ARB2A: variants seen among roughly 807,000 people sequenced by gnomAD.
ARB2A encodes cotranscriptional regulator ARB2A.
the ARB2A span, among the ~76,000 whole-genome samples, chr5:93,680,273 A>T: frequency 1.3e-5 from 2 of 152,244 alleles, no homozygotes; most frequent in African/African-American, 4.8e-5. Flanking sequence ...GTGGTCTCTT[A>T]TAAGAATATA....
At chr5:94,074,173 T>A in the ARB2A span, among the ~76,000 whole-genome samples, 1 of 152,270 alleles carries the variant, frequency 6.6e-6, no homozygotes, top group Middle Eastern at 3.4e-3. Flanking sequence ...ATTTATTTTT[T>A]AATTCTAGGA....
At chr5:93,739,305 A>G in the ARB2A span, 1 of 152,176 alleles carries the variant, frequency 6.6e-6, no homozygotes, top group Non-Finnish European at 1.5e-5. Context: ...AAGAACAATG[A>G]AAGAAACCAG....
the ARB2A span, among the ~76,000 whole-genome samples, chr5:94,085,453 C>T: frequency 6.6e-6 from 1 of 152,184 alleles, no homozygotes; most frequent in Non-Finnish European, 1.5e-5. Context: ...AGATGGCTCA[C>T]TCACATAAAT....
At chr5:93,890,553 A>G in the ARB2A span, among the ~76,000 whole-genome samples, 1 of 152,012 alleles carries the variant, frequency 6.6e-6, no homozygotes, top group Non-Finnish European at 1.5e-5. Context: ...TAAAGTAGAA[A>G]AAAAGCTGTA....
At chr5:93,971,569 A>AATATAAATAAAT in the ARB2A span, among the ~76,000 whole-genome samples, 1 of 139,356 alleles carries the variant, frequency 7.2e-6, no homozygotes, top group African/African-American at 2.7e-5. Context: ...CTCCGTCTCA[A>AATATAAATAAAT]AAATAAATAA....
chr5:93,917,551 G>GA, the ARB2A span, among the ~76,000 whole-genome samples: 1 of 151,384 alleles, frequency 6.6e-6, no homozygotes, highest in African/African-American at 2.4e-5. Flanking sequence ...TTACTGCAAA[G>GA]AAAAAAAAAT....
chr5:93,938,127 T>A, the ARB2A span, among the ~76,000 whole-genome samples: 1 of 152,170 alleles, frequency 6.6e-6, no homozygotes, highest in African/African-American at 2.4e-5. Flanking sequence ...TACAACAGAA[T>A]AACACCATTC....
chr5:93,928,530 T>C, the ARB2A span, among the ~76,000 whole-genome samples: 1 of 152,174 alleles, frequency 6.6e-6, no homozygotes, highest in Non-Finnish European at 1.5e-5. Context: ...ACAACTGATA[T>C]AAACACAAGT....
the ARB2A span, among the ~76,000 whole-genome samples, chr5:93,685,379 G>A: frequency 1.9e-4 from 29 of 152,076 alleles, no homozygotes; most frequent in Non-Finnish European, 3.7e-4. Context: ...AGAAAGGAAG[G>A]ATAAAAGACT....
At chr5:93,735,128 T>C in the ARB2A span, 1 of 152,238 alleles carries the variant, frequency 6.6e-6, no homozygotes, top group Admixed American at 6.5e-5. Flanking sequence ...CTTAACAATA[T>C]AGTCTTGGTT....
the ARB2A span, among the ~76,000 whole-genome samples, chr5:93,883,918 TAC>T: frequency 1.5e-5 from 1 of 68,324 alleles, no homozygotes; most frequent in Non-Finnish European, 3.1e-5. Context: ...CACATACACA[TAC>T]ACATACACAC....
chr5:93,984,713 C>T, the ARB2A span, among the ~76,000 whole-genome samples: 1 of 152,118 alleles, frequency 6.6e-6, no homozygotes, highest in African/African-American at 2.4e-5. Context: ...GTGTACTGAA[C>T]TATAAGCACC....
At chr5:93,910,885 A>C in the ARB2A span, 1 of 151,596 alleles carries the variant, frequency 6.6e-6, no homozygotes. Context: ...CTTCAGAATC[A>C]TATGTATTCA....
At chr5:93,861,109 T>C in the ARB2A span, 1 of 152,160 alleles carries the variant, frequency 6.6e-6, no homozygotes, top group Admixed American at 6.5e-5. Context: ...AAAACCAACA[T>C]ATTCTTTTAA....
At chr5:94,026,877 A>G in the ARB2A span, among the ~76,000 whole-genome samples, 4 of 152,190 alleles carry the variant, frequency 2.6e-5, no homozygotes, top group Admixed American at 6.5e-5. Context: ...TCAGACTCTG[A>G]AAATGCAGGT....
At chr5:93,967,950 C>T in the ARB2A span, among the ~76,000 whole-genome samples, 2 of 151,996 alleles carry the variant, frequency 1.3e-5, no homozygotes, top group Non-Finnish European at 2.9e-5. Context: ...CTCTAAGAGT[C>T]AGGCCCTTTT....
At chr5:93,629,801 TATG>T in the ARB2A span, among the ~76,000 whole-genome samples, 1 of 152,224 alleles carries the variant, frequency 6.6e-6, no homozygotes, top group Non-Finnish European at 1.5e-5. Flanking sequence ...ATAATATGTC[TATG>T]ATATTTCCAA....
chr5:93,796,296 G>T, the ARB2A span, among the ~76,000 whole-genome samples: 1 of 152,078 alleles, frequency 6.6e-6, no homozygotes, highest in Non-Finnish European at 1.5e-5. Context: ...AGAAATTCAG[G>T]GTAATCTTCA....
the ARB2A span, among the ~76,000 whole-genome samples, chr5:93,720,057 G>A: frequency 6.6e-6 from 1 of 152,144 alleles, no homozygotes; most frequent in Non-Finnish European, 1.5e-5. Context: ...ACCCGTTTAT[G>A]AATTCTTTGT....
Sources: allele counts gnomAD v4.1 joint callset (sites outside exome capture counted in the v4.1 genomes callset), GRCh38; gene constraint gnomAD v4.1.1; transcripts MANE v1.5; gene names NCBI Gene and HGNC (gene_info 2026-07-23, HGNC 2026-07-21).